Variants in DLG5 observed in about 807,000 individuals in gnomAD.
DLG5 encodes the protein discs large MAGUK scaffold protein 5.
In DLG5, 48 loss-of-function variants were observed where a neutral mutation model predicts 189.8. The observed-to-expected ratio is 0.25, with a 90% CI of 0.20 to 0.32. The LOEUF (loss-of-function observed/expected upper bound fraction) is 0.32, where lower values mean the gene tolerates loss of function less well. DLG5 is among the 10% of genes least tolerant of loss of function. The probability of loss-of-function intolerance (pLI) is 1.00; values close to 1 mark genes in which losing one functional copy is unlikely to be tolerated. For synonymous variants in DLG5, 1,016 were observed against 1,054.1 expected (o/e 0.96, Z 0.70); for missense variants, 2,160 against 2,544.7 (o/e 0.85, Z 3.25).
At chr10:77,911,378 G>A (rs1846216430) in intron 1 of DLG5, among the ~76,000 whole-genome samples, 1 of 152,192 alleles carries the variant, frequency 6.6e-6, no homozygotes, top group African/African-American at 2.4e-5. Flanking sequence ...GCCTCCCAAA[G>A]TGCTGGAATT....
At chr10:77,819,865 T>A in intron 16 of DLG5, 30 bp downstream of exon 16, 1 of 1,526,112 alleles carries the variant, frequency 6.6e-7, no homozygotes, top group Middle Eastern at 1.8e-4. Flanking sequence ...ACACCGACCC[T>A]CAGCCCCAGC....
At chr10:77,808,455 A>G (rs547855370) in intron 24 of DLG5, among the ~76,000 whole-genome samples, 1 of 152,218 alleles carries the variant, frequency 6.6e-6, no homozygotes, top group South Asian at 2.1e-4. Flanking sequence ...TGTTTTCTGT[A>G]AAGACAGGGT....
intron 21 of DLG5, 31 bp from the exon 22 acceptor site, chr10:77,812,088 G>A: frequency 6.2e-7 from 1 of 1,606,212 alleles, no homozygotes; most frequent in Non-Finnish European, 8.5e-7. Context: ...GCTCAGTGGG[G>A]GGGTCGGGGC....
chr10:77,926,965 G>A, upstream of DLG5: 1 of 376,690 alleles, frequency 2.7e-6, no homozygotes, highest in South Asian at 1.8e-5. This position sits in a 1 kb window ranked among gnomAD's most constrained non-coding sequence, Gnocchi z 5.2. Context: ...GGAGAAAGTC[G>A]CCTGGGCCGT....
In DLG5 at chr10:77,821,741, G is replaced by T; in HGVS notation, c.2743C>A (p.Pro915Thr). 6.2e-7 allele frequency: 1 copy of T among 1,609,634 alleles called. No individual in the cohort carries two copies. ...FGLVDVRGRRPLLPFETEVGP... is the reference protein window; with the variant it reads ...FGLVDVRGRRTLLPFETEVGP... ...ACCTCGGTCTCAAAGGGCAGCAGTG[G>T]CCGCCGGCCACGCACGTCCACCAGC... is the stretch of plus-strand genomic sequence containing the variant. Residue 915 changes from proline (P) to threonine (T), a missense_variant, in exon 15 of 32, where the codon CCA becomes ACA. This residue lies in a region of DLG5 where 754 missense variants were observed against 746.5 expected (regional missense o/e 1.01). Coordinates refer to ENST00000372391, the MANE Select transcript of DLG5 (RefSeq NM_004747.4).
At chr10:77,905,146 C>A (rs7077479) in intron 1 of DLG5, among the ~76,000 whole-genome samples, 45,670 of 146,998 alleles carry the variant, frequency 0.31, 7,440 homozygotes, top group Admixed American at 0.44. Flanking sequence ...AAAAAAAAAA[C>A]TCTCCTGGCT....
At chr10:77,809,756 C>T in intron 23 of DLG5, 26 bp from the exon 24 acceptor site, 8 of 1,599,204 alleles carry the variant, frequency 5.0e-6, no homozygotes, top group Non-Finnish European at 6.8e-6. Context: ...CAAAGTTCCT[C>T]AACTGTGCAC....
Position 77,896,611 on chromosome 10 carries a change from G to A in DLG5, c.305-27414C>T, listed in dbSNP as rs139024433. Among the ~76,000 whole-genome samples the A allele has an allele frequency of 2.0e-5, 3 of 152,044 alleles. No individual in the cohort carries two copies. The East Asian group carries it at 5.8e-4, about 29-fold the overall frequency. Reference sequence around the variant, plus strand: ...ATCCCAGCACTTTGGGAGGCCAAGGGGGGGTGGATCACTGAGGTCAGGAGT... The same window carrying A: ...ATCCCAGCACTTTGGGAGGCCAAGGAGGGGTGGATCACTGAGGTCAGGAGT... On this transcript the variant is annotated intron_variant, in intron 1 of 31. Coordinates refer to ENST00000372391, the MANE Select transcript of DLG5 (RefSeq NM_004747.4).
chr10:77,794,830 C>G lies in DLG5; in HGVS notation c.5546+19G>C, dbSNP rs201011947. 5.6e-6 allele frequency: 9 copies of G among 1,603,900 alleles called. No individual in the cohort carries two copies. Among genetic ancestry groups the G allele is most frequent in the Non-Finnish European group, 7.7e-6 (9 of 1,171,136 alleles). On this transcript the variant is annotated intron_variant, in intron 30 of 31. Transcript: ENST00000372391. Reference sequence around the variant, plus strand: ...CCTGTGACAAGGCCCCAGCGGAGCCCAGGGGGCCAGTTACCTACTTGATGT... The same window carrying G: ...CCTGTGACAAGGCCCCAGCGGAGCCGAGGGGGCCAGTTACCTACTTGATGT...
At chr10:77,933,401 A>C in the DLG5 span, among the ~76,000 whole-genome samples, 108,031 of 151,568 alleles carry the variant, frequency 0.71, 39,909 homozygotes, top group African/African-American at 0.92. Flanking sequence ...ATTCTCCTGC[A>C]TCCTGCCTCA....
Position 77,856,844 on chromosome 10 carries a change from T to C in DLG5, c.422A>G (p.Gln141Arg). The part of the protein sequence containing the change: ...PSPPPLLTDQ[Q>R]VNEKVENLSI... ...GAGGTTCTCCACCTTCTCATTCACT[T>C]GCTGGTCAGTGAGGAGGGGTGGTGG... is the stretch of plus-strand genomic sequence containing the variant. The change falls in exon 3 of 32, where the codon CAA becomes CGA. Residue 141 changes from glutamine (Q) to arginine (R), a missense_variant. Gln to Arg is a conservative substitution (Grantham distance 43). Transcript: ENST00000372391. 1 of 1,612,956 alleles carries C rather than the reference T, an allele frequency of 6.2e-7. No individual in the cohort carries two copies. The highest frequency in any genetic ancestry group is 2.2e-5 in the East Asian group (1 of 44,882).
chr10:77,827,149 T>G (rs956718152), intron 13 of DLG5, among the ~76,000 whole-genome samples: 3 of 152,188 alleles, frequency 2.0e-5, no homozygotes, highest in Non-Finnish European at 4.4e-5. Context: ...AGAGGAAGAT[T>G]TGTTGTCACG....
chr10:77,838,784 C>A (rs770256045), intron 7 of DLG5, among the ~76,000 whole-genome samples: 1 of 152,218 alleles, frequency 6.6e-6, no homozygotes, highest in African/African-American at 2.4e-5. Context: ...AGTGGGGTGG[C>A]GGGGCCAATC....
rs748373254 is a variant in DLG5, at chr10:77,794,965, TG to T, written c.5437-8del. ...CCAGGAGGCAGTGTCGGTTCTGGGG[TG>T]GGGGGTGCAGAGTGAGCCCTGGCGG... On this transcript the variant is annotated splice_region_variant and splice_polypyrimidine_tract_variant and intron_variant, in intron 29 of 31. Transcript: ENST00000372391. The T allele has an allele frequency of 1.2e-6, 2 of 1,612,326 alleles. No individual in the cohort carries two copies. Among genetic ancestry groups the T allele is most frequent in the East Asian group, 2.2e-5 (1 of 44,840 alleles).
chr10:77,908,348 C>A (rs1423970742), intron 1 of DLG5, among the ~76,000 whole-genome samples: 4 of 152,092 alleles, frequency 2.6e-5, no homozygotes, highest in Non-Finnish European at 4.4e-5. Flanking sequence ...TCCTCACCTA[C>A]CCACCTGCGG....
chr10:77,860,836 T>C (rs1045563251), intron 2 of DLG5, among the ~76,000 whole-genome samples: 2 of 152,230 alleles, frequency 1.3e-5, no homozygotes, highest in Non-Finnish European at 2.9e-5. Flanking sequence ...TCTGTACTTA[T>C]CTGGCACTCC....
intron 6 of DLG5, 24 bp downstream of exon 6, chr10:77,843,423 G>A (rs745980410): frequency 5.4e-5 from 87 of 1,608,948 alleles, no homozygotes; most frequent in Non-Finnish European, 6.5e-5. Flanking sequence ...ATTTGCCCCC[G>A]GCCCCCGATG....
At chr10:77,845,418 C>T (rs1340211720) in intron 5 of DLG5, 1 of 152,220 alleles carries the variant, frequency 6.6e-6, no homozygotes, top group East Asian at 1.9e-4. Context: ...GGAACACTCC[C>T]TTTGGAATTA....
Position 77,916,904 on chromosome 10 carries a change from A to AATATATATAT in DLG5, c.304+9303_304+9312dup, listed in dbSNP as rs55841913. On this transcript the variant is annotated intron_variant, in intron 1 of 31. Coordinates refer to ENST00000372391, the MANE Select transcript of DLG5 (RefSeq NM_004747.4). ...AGGTAAAGAAACAAATAAAATATAG[A>AATATATATAT]ATATATATATATATATATATATGAA... Among the ~76,000 whole-genome samples the AATATATATAT allele has an allele frequency of 9.6e-3, 1,243 of 129,040 alleles. 37 individuals are homozygous for AATATATATAT. The highest frequency in any genetic ancestry group is 0.025 in the African/African-American group (802 of 32,244). The allele number at this position is 129,040 out of a possible 152,430, so 84.7% of individuals were successfully genotyped here. A position where few individuals can be genotyped will look rare whatever the true frequency, so the allele number is the denominator to read the frequency against.
Sources: gnomAD v4.1 joint callset for allele counts (sites outside exome capture counted in the v4.1 genomes callset) on GRCh38, gnomAD v4.1.1 for gene constraint, gnomAD v4.1.1 regional missense constraint, Gnocchi (gnomAD v3.1) non-coding constraint, MANE v1.5 for transcripts, NCBI Gene and HGNC (gene_info 2026-07-23, HGNC 2026-07-21) for gene names.